The following BRI3BP variants were observed in gnomAD, a reference collection of about 807,000 sequenced individuals.
BRI3BP encodes the protein BRI3-binding protein.
In BRI3BP, 7 loss-of-function variants were observed where a neutral mutation model predicts 15.8. That is an observed-to-expected ratio of 0.44 (90% CI 0.25 to 0.83). The LOEUF (loss-of-function observed/expected upper bound fraction) is 0.83. Ranked by LOEUF, BRI3BP falls within the 40% of genes least tolerant of loss-of-function variation. The probability of loss-of-function intolerance (pLI) is 0.20; values close to 1 mark genes in which losing one functional copy is unlikely to be tolerated. For missense variants in BRI3BP, 320 were observed against 339.3 expected, an observed-to-expected ratio of 0.94 and a Z score of 0.45; for synonymous variants, 192 against 163.5, an observed-to-expected ratio of 1.17 and a Z score of -1.33.
chr12:125,020,289 AAAATGAAGGC>A (rs1010972934), intron 2 of BRI3BP, among the ~76,000 whole-genome samples: 1 of 152,206 alleles, frequency 6.6e-6, no homozygotes, highest in African/African-American at 2.4e-5. Flanking sequence ...CAGGAAGTCC[AAAATGAAGGC>A]ACTGGCAGAT....
Position 125,025,588 on chromosome 12 carries a change from G to A in BRI3BP, c.*158G>A. The A allele has an allele frequency of 1.4e-6, 1 of 717,228 alleles. No homozygotes were observed. Among genetic ancestry groups the A allele is most frequent in the Non-Finnish European group, 2.2e-6 (1 of 452,354 alleles). The allele number at this position is 717,228 out of a possible 1,614,324, so 44.4% of individuals were successfully genotyped here. On this transcript the variant is annotated 3_prime_UTR_variant, in exon 3 of 3. Coordinates refer to ENST00000341446, the MANE Select transcript of BRI3BP (RefSeq NM_080626.6). Reference sequence around the variant, plus strand: ...ATTTCCACCCACCCGGCAGCTCTTAGGACACATTCCCAGAAGAGCGGAAAG... The same window carrying A: ...ATTTCCACCCACCCGGCAGCTCTTAAGACACATTCCCAGAAGAGCGGAAAG...
In BRI3BP at chr12:125,012,549, A is replaced by C; in HGVS notation, c.229A>C (p.Thr77Pro). The change falls in exon 2 of 3, where the codon ACT becomes CCT. Residue 77 changes from threonine (T) to proline (P), a missense_variant. Thr to Pro is a conservative substitution (Grantham distance 38). Transcript: ENST00000341446. ...RAAQKFLARL[T>P]ERFVLGVDMF... ...GTTTCTGCAGTTCTTGGCCAGGCTG[A>C]CTGAGAGATTTGTGCTGGGAGTGGA... The C allele has an allele frequency of 1.9e-6, 3 of 1,611,166 alleles. No homozygotes were observed. Among genetic ancestry groups the C allele is most frequent in the Non-Finnish European group, 2.5e-6 (3 of 1,177,378 alleles).
chr12:125,018,007 A>G (rs1955262108), intron 2 of BRI3BP, among the ~76,000 whole-genome samples: 1 of 152,012 alleles, frequency 6.6e-6, no homozygotes, highest in Admixed American at 6.6e-5. Context: ...GGGTGGTGGG[A>G]TGGCGCCCAG....
At chr12:125,019,225 A>G (rs963932044) in intron 2 of BRI3BP, among the ~76,000 whole-genome samples, 3 of 152,152 alleles carry the variant, frequency 2.0e-5, no homozygotes, top group African/African-American at 4.8e-5. Context: ...CTTTGCTGTC[A>G]GAACGTGCAG....
At chr12:125,022,946 A>C (rs1955313777) in intron 2 of BRI3BP, among the ~76,000 whole-genome samples, 1 of 152,248 alleles carries the variant, frequency 6.6e-6, no homozygotes, top group Admixed American at 6.5e-5. Flanking sequence ...AAGTATGTAA[A>C]TAGAGAATGC....
chr12:124,993,970 G>A lies in BRI3BP; in HGVS notation c.180G>A (p.Leu60=). 1.5e-6 allele frequency: 2 copies of A among 1,362,702 alleles called. No homozygotes were observed. Among genetic ancestry groups the A allele is most frequent in the East Asian group, 3.1e-5 (1 of 31,830 alleles). The allele number at this position is 1,362,702 out of a possible 1,614,324, so 84.4% of individuals were successfully genotyped here. A position where few individuals can be genotyped will look rare whatever the true frequency, so the allele number is the denominator to read the frequency against. Residue 60 remains leucine, a synonymous_variant, in exon 1 of 3, where the codon CTG becomes CTA. Coordinates refer to ENST00000341446, the MANE Select transcript of BRI3BP (RefSeq NM_080626.6). ...CCTTCTCCCAGAGCGTCAGCAGCCT[G>A]TTCGGCGAGGACAACGTGCGCGCCG... The part of the protein sequence containing the change: ...VNTFSQSVSS[L]FGEDNVRAAQ...
At chr12:125,022,564 G>C (rs1176461301) in intron 2 of BRI3BP, among the ~76,000 whole-genome samples, 2 of 98,702 alleles carry the variant, frequency 2.0e-5, no homozygotes, top group Non-Finnish European at 4.0e-5. Flanking sequence ...GAGCCTCACT[G>C]TGTCTCAGGT....
chr12:125,018,671 CTTTTTT>C (rs1035589414), intron 2 of BRI3BP, among the ~76,000 whole-genome samples: 1 of 136,444 alleles, frequency 7.3e-6, no homozygotes, highest in Non-Finnish European at 1.6e-5. Flanking sequence ...AACTTCTGTT[CTTTTTT>C]TTTTTTTTTT....
chr12:124,996,404 A>G (rs1021092573), intron 1 of BRI3BP, among the ~76,000 whole-genome samples: 3 of 152,092 alleles, frequency 2.0e-5, no homozygotes, highest in Non-Finnish European at 4.4e-5. Flanking sequence ...CTCCTGGGCA[A>G]GCAATTCTCC....
chr12:124,994,150 TGCCGCCTGCGGCCCCC>T (rs1421543001), intron 1 of BRI3BP, 147 bp downstream of exon 1: 32 of 477,308 alleles, frequency 6.7e-5, no homozygotes, highest in Non-Finnish European at 9.0e-5. Flanking sequence ...CCTCGGGGCC[TGCCGCCTGCGGCCCCC>T]GCCGGGCCTG....
chr12:125,030,043 T>C lies in BRI3BP; in HGVS notation c.*4613T>C. On this transcript the variant is annotated 3_prime_UTR_variant, in exon 3 of 3. Coordinates refer to ENST00000341446, the MANE Select transcript of BRI3BP (RefSeq NM_080626.6). ...ATTCAGGCTTATGGAGCGTTAAGAA[T>C]AACAGCTGTCAAATGGCCTAGACAT... 6.6e-6 allele frequency: 1 copy of C among 152,250 alleles called. No individual in the cohort carries two copies. Among genetic ancestry groups the C allele is most frequent in the East Asian group, 1.9e-4 (1 of 5,204 alleles). The allele number at this position is 152,250 out of a possible 1,614,324, so 9.4% of individuals were successfully genotyped here. A position where few individuals can be genotyped will look rare whatever the true frequency, so the allele number is the denominator to read the frequency against.
chr12:125,008,979 ATT>A (rs113107414), intron 1 of BRI3BP, among the ~76,000 whole-genome samples: 2 of 145,326 alleles, frequency 1.4e-5, no homozygotes, highest in African/African-American at 2.5e-5. Flanking sequence ...TCCTATGAAA[ATT>A]TTTTTTTTTT....
In BRI3BP at chr12:125,029,571, T is replaced by TATATAC. The variant is rs1555218300; in HGVS notation, c.*4146_*4147insCATATA. ...GTGTGTGTGTGTGTATATATATGTA[T>TATATAC]ATATATATACACACACACACACTTT... On this transcript the variant is annotated 3_prime_UTR_variant, in exon 3 of 3. Transcript: ENST00000341446. 6.9e-6 allele frequency: 1 copy of TATATAC among 144,010 alleles called. No individual in the cohort carries two copies. Among genetic ancestry groups the TATATAC allele is most frequent in the Non-Finnish European group, 1.5e-5 (1 of 67,036 alleles). 8.9% of individuals were successfully genotyped at this position (144,010 alleles called of 1,614,324 possible).
At chr12:125,005,250 A>G (rs1955131447) in intron 1 of BRI3BP, among the ~76,000 whole-genome samples, 1 of 152,172 alleles carries the variant, frequency 6.6e-6, no homozygotes, top group South Asian at 2.1e-4. Context: ...AGAGTTAAGG[A>G]CCATTTTCAT....
At chr12:125,046,932 A>G in the BRI3BP span, among the ~76,000 whole-genome samples, 14 of 152,214 alleles carry the variant, frequency 9.2e-5, no homozygotes, top group Non-Finnish European at 1.8e-4. Context: ...AGCACACAGT[A>G]TTCACCATGC....
the BRI3BP span, among the ~76,000 whole-genome samples, chr12:125,041,277 C>G: frequency 6.7e-6 from 1 of 148,716 alleles, no homozygotes; most frequent in East Asian, 2.1e-4. Context: ...AGGGTGGTCT[C>G]CATCTCCTGA....
intron 2 of BRI3BP, among the ~76,000 whole-genome samples, chr12:125,015,495 G>A (rs1040096398): frequency 2.0e-5 from 3 of 151,926 alleles, no homozygotes; most frequent in Non-Finnish European, 4.4e-5. Context: ...CTCCAGAACC[G>A]CAAGTGGATG....
intron 2 of BRI3BP, among the ~76,000 whole-genome samples, chr12:125,017,833 G>A (rs981274764): frequency 2.6e-5 from 4 of 152,154 alleles, no homozygotes; most frequent in African/African-American, 7.2e-5. Flanking sequence ...TCAGTGATGC[G>A]TCGGCACAGG....
intron 1 of BRI3BP, among the ~76,000 whole-genome samples, chr12:124,998,457 A>G (rs1206693002): frequency 6.6e-6 from 1 of 152,208 alleles, no homozygotes; most frequent in Non-Finnish European, 1.5e-5. Flanking sequence ...GTATTGCTAT[A>G]TGCTACAACT....
Sources: gnomAD v4.1 joint callset for allele counts (sites outside exome capture counted in the v4.1 genomes callset) on GRCh38, gnomAD v4.1.1 for gene constraint, MANE v1.5 for transcripts, NCBI Gene and HGNC (gene_info 2026-07-23, HGNC 2026-07-21) for gene names.